XKR6: variants seen among roughly 807,000 people sequenced by gnomAD.
XKR6 encodes the protein XK-related protein 6.
XKR6 carries 22 observed loss-of-function variants against 56.7 expected under a neutral mutation model. That is an observed-to-expected ratio of 0.39 (90% CI 0.28 to 0.55). The LOEUF is 0.55. Among genes scored for constraint, XKR6 ranks in the 20% least tolerant of loss-of-function variants. The probability of loss-of-function intolerance (pLI) is 0.66; values close to 1 mark genes in which losing one functional copy is unlikely to be tolerated. For missense variants in XKR6, 852 were observed against 889.0 expected (o/e 0.96, Z 0.53); for synonymous variants, 524 against 387.8 (o/e 1.35, Z -4.13).
intron 1 of XKR6, among the ~76,000 whole-genome samples, chr8:11,132,168 T>A (rs1800135680): frequency 1.3e-5 from 2 of 152,062 alleles, no homozygotes; most frequent in South Asian, 4.1e-4. Flanking sequence ...GCCAGGCCCA[T>A]ACTTTGAAAA....
At chr8:11,159,487 C>T (rs1379642451) in intron 1 of XKR6, among the ~76,000 whole-genome samples, 2 of 152,250 alleles carry the variant, frequency 1.3e-5, no homozygotes, top group Admixed American at 6.5e-5. Flanking sequence ...ACAGACGCTG[C>T]TTCTGTATGG....
intron 1 of XKR6, among the ~76,000 whole-genome samples, chr8:10,944,231 A>C (rs1284311277): frequency 6.6e-6 from 1 of 152,198 alleles, no homozygotes; most frequent in East Asian, 1.9e-4. Context: ...CTAGCTTCAA[A>C]TACATGAACT....
chr8:11,178,525 G>A (rs1399368913), intron 1 of XKR6, among the ~76,000 whole-genome samples: 2 of 131,512 alleles, frequency 1.5e-5, no homozygotes, highest in Non-Finnish European at 1.6e-5. Context: ...AAATTTTTAA[G>A]TCCAAACATC....
At chr8:11,104,385 C>T (rs1798597999) in intron 1 of XKR6, among the ~76,000 whole-genome samples, 2 of 152,230 alleles carry the variant, frequency 1.3e-5, no homozygotes, top group Non-Finnish European at 2.9e-5. Context: ...CTCCTTGACA[C>T]AGTATATATA....
rs568362893 is a variant in XKR6, at chr8:11,113,042, C to T, written c.764+87534G>A. ...AAATGATGATGTTTTCAGTTCCTTA[C>T]AATTTGCCTTCTGTAGCACCCTCCA... On this transcript the variant is annotated intron_variant, in intron 1 of 2. Transcript: ENST00000416569. 7.4e-4 allele frequency among the ~76,000 whole-genome samples: 112 copies of T among 152,230 alleles called. 2 individuals are homozygous for T. The highest frequency in any genetic ancestry group is 3.4e-3 in the Middle Eastern group (1 of 294).
At position 10,909,986 on chromosome 8, in the gene XKR6, TG is replaced by T. The variant is rs916350485; in HGVS notation, c.962-11071del. ...CTGAGGCTTTCACATCTCGGGGGGC[TG>T]GGGGGACCTTTTTCAGTTTACAACA... On this transcript the variant is annotated intron_variant, in intron 2 of 2. Coordinates refer to ENST00000416569, the MANE Select transcript of XKR6 (RefSeq NM_173683.4). Among the ~76,000 whole-genome samples the T allele has an allele frequency of 3.3e-4, 50 of 151,940 alleles. 1 individual carries two copies. In the Middle Eastern group the frequency reaches 0.024, roughly 72 times the overall value.
At chr8:11,117,951 G>A (rs1232281883) in intron 1 of XKR6, among the ~76,000 whole-genome samples, 3 of 152,150 alleles carry the variant, frequency 2.0e-5, no homozygotes, top group African/African-American at 7.2e-5. Context: ...CAGAGTGACA[G>A]GGAATACCGA....
At position 11,030,266 on chromosome 8, in the gene XKR6, C is replaced by A. The variant is rs371293856; in HGVS notation, c.765-105436G>T. Among the ~76,000 whole-genome samples, 19 of 152,334 alleles carry A rather than the reference C, an allele frequency of 1.2e-4. No individual in the cohort carries two copies. The East Asian group carries it at 3.5e-3, about 28-fold the overall frequency. ...CCTCCTTCCCTTTCCATCTGGGTGACAACAGGCCTTCCAGAATGGTCCCAA... is the reference window on the plus strand; with the variant it reads ...CCTCCTTCCCTTTCCATCTGGGTGAAAACAGGCCTTCCAGAATGGTCCCAA... On this transcript the variant is annotated intron_variant, in intron 1 of 2. Coordinates refer to ENST00000416569, the MANE Select transcript of XKR6 (RefSeq NM_173683.4).
intron 1 of XKR6, among the ~76,000 whole-genome samples, chr8:11,126,652 C>A (rs1799813749): frequency 6.6e-6 from 1 of 152,190 alleles, no homozygotes; most frequent in Non-Finnish European, 1.5e-5. Flanking sequence ...CCAAGATCCA[C>A]AGACTAATCC....
chr8:11,199,914 C>CACATTTT (rs1410643841), intron 1 of XKR6, among the ~76,000 whole-genome samples: 2 of 151,966 alleles, frequency 1.3e-5, no homozygotes, highest in Non-Finnish European at 1.5e-5. Context: ...TCGCGCCCAT[C>CACATTTT]ACATTTTATC....
rs141963547 is a variant in XKR6 at position 11,141,650 on chromosome 8, C to T, written c.764+58926G>A. Reference sequence around the variant, plus strand: ...AGGCTCCAGTTGGTTACGTCACTGACGGCTCCACAGCTCTCCCCCAATATG... The same window carrying T: ...AGGCTCCAGTTGGTTACGTCACTGATGGCTCCACAGCTCTCCCCCAATATG... On this transcript the variant is annotated intron_variant, in intron 1 of 2. Coordinates refer to ENST00000416569, the MANE Select transcript of XKR6 (RefSeq NM_173683.4). Among the ~76,000 whole-genome samples the T allele has an allele frequency of 4.0e-4, 61 of 152,268 alleles. No individual in the cohort carries two copies. The East Asian group carries it at 6.0e-3, about 15-fold the overall frequency.
In XKR6 at chr8:11,174,458, C is replaced by G. The variant is rs376569025; in HGVS notation, c.764+26118G>C. 2.0e-5 allele frequency among the ~76,000 whole-genome samples: 3 copies of G among 152,212 alleles called. No homozygotes were observed. The South Asian group carries it at 6.2e-4, about 32-fold the overall frequency. On this transcript the variant is annotated intron_variant, in intron 1 of 2. Transcript: ENST00000416569. ...AATCTTTACGAGCCGAGCACCGCAT[C>G]GACTCCAACACTGGGAGCTGCCAGC...
chr8:11,083,348 C>G (rs1000834517), intron 1 of XKR6, among the ~76,000 whole-genome samples: 1 of 152,152 alleles, frequency 6.6e-6, no homozygotes, highest in Admixed American at 6.5e-5. Context: ...GCAATTTTCC[C>G]CAGATTACAA....
Position 11,099,445 on chromosome 8 carries a change from G to A in XKR6, c.764+101131C>T, listed in dbSNP as rs935060258. On this transcript the variant is annotated intron_variant, in intron 1 of 2. Transcript: ENST00000416569. ...GCTCTGGCTTCAAGTGAAAATTCTG[G>A]GAGAGAAGGGGCTGGAGGCAGGAAT... 9.3e-4 allele frequency among the ~76,000 whole-genome samples: 141 copies of A among 152,350 alleles called. 1 individual carries two copies. Among genetic ancestry groups the A allele is most frequent in the Non-Finnish European group, 1.6e-4 (11 of 68,016 alleles).
Position 11,201,481 on chromosome 8 carries a change from G to A in XKR6, c.-142C>T, listed in dbSNP as rs150967185. 1,854 of 569,260 alleles carry A rather than the reference G, an allele frequency of 3.3e-3. 21 individuals are homozygous for A. Among genetic ancestry groups the A allele is most frequent in the African/African-American group, 0.023 (1,158 of 49,666 alleles). The allele number at this position is 569,260 out of a possible 1,614,324, so 35.3% of individuals were successfully genotyped here. A position where few individuals can be genotyped will look rare whatever the true frequency, so the allele number is the denominator to read the frequency against. ...GCGGGGGAGCAAACGAACGAGGGGGGAGTGGGCCAGGGAACCCCCTCCGCT... is the reference window on the plus strand; with the variant it reads ...GCGGGGGAGCAAACGAACGAGGGGGAAGTGGGCCAGGGAACCCCCTCCGCT... On this transcript the variant is annotated 5_prime_UTR_variant, in exon 1 of 3. Coordinates refer to ENST00000416569, the MANE Select transcript of XKR6 (RefSeq NM_173683.4).
At chr8:11,182,203 G>A (rs1803023545) in intron 1 of XKR6, among the ~76,000 whole-genome samples, 1 of 152,212 alleles carries the variant, frequency 6.6e-6, no homozygotes, top group Admixed American at 6.5e-5. Context: ...GGAGGACCAG[G>A]CTGTTGACCT....
At chr8:11,067,701 G>C (rs1256294013) in intron 1 of XKR6, among the ~76,000 whole-genome samples, 1 of 152,190 alleles carries the variant, frequency 6.6e-6, no homozygotes, top group Non-Finnish European at 1.5e-5. Flanking sequence ...TCTTCTTTCC[G>C]GGCCCCCTCC....
intron 1 of XKR6, among the ~76,000 whole-genome samples, chr8:11,127,082 C>G (rs1037330932): frequency 6.6e-6 from 1 of 152,158 alleles, no homozygotes; most frequent in African/African-American, 2.4e-5. Flanking sequence ...CAGTAGAGTA[C>G]TAAGGGTACT....
chr8:11,112,402 G>A lies in XKR6; in HGVS notation c.764+88174C>T, dbSNP rs141961767. ...AGTTGTTCTAACCACAAAGAGGTAGGCCTTTTTTGAAAAAGAAAAAAAAAC... is the reference window on the plus strand; with the variant it reads ...AGTTGTTCTAACCACAAAGAGGTAGACCTTTTTTGAAAAAGAAAAAAAAAC... On this transcript the variant is annotated intron_variant, in intron 1 of 2. Transcript: ENST00000416569. Among the ~76,000 whole-genome samples, 43 of 151,976 alleles carry A rather than the reference G, an allele frequency of 2.8e-4. No individual in the cohort carries two copies. The East Asian group carries it at 7.5e-3, about 27-fold the overall frequency.
Sources: gnomAD v4.1 joint callset for allele counts (sites outside exome capture counted in the v4.1 genomes callset) on GRCh38, gnomAD v4.1.1 for gene constraint, MANE v1.5 for transcripts, NCBI Gene and HGNC (gene_info 2026-07-23, HGNC 2026-07-21) for gene names.